ERBIN: variants seen among roughly 807,000 people sequenced by gnomAD.
The protein encoded by ERBIN is densin-180-like protein.
Under a neutral mutation model 158.4 loss-of-function variants are expected in ERBIN, and 60 were observed. The ratio of observed to expected loss-of-function variants is 0.38; its 90% confidence interval spans 0.31 to 0.47. ERBIN has a LOEUF of 0.47. ERBIN is among the 20% of genes least tolerant of loss of function. The pLI is 0.99. For missense variants in ERBIN, 1,610 were observed against 1,648.0 expected, an observed-to-expected ratio of 0.98 and a Z score of 0.40; for synonymous variants, 594 against 557.2, an observed-to-expected ratio of 1.07 and a Z score of -0.93.
At chr5:65,952,276 C>T (rs1339257452) in intron 1 of ERBIN, among the ~76,000 whole-genome samples, 2 of 152,012 alleles carry the variant, frequency 1.3e-5, no homozygotes, top group Non-Finnish European at 2.9e-5. Context: ...GGAAAAAGCA[C>T]CATAGATATA....
intron 21 of ERBIN, among the ~76,000 whole-genome samples, chr5:66,059,060 C>A (rs152937): frequency 0.16 from 23,720 of 151,894 alleles, 2,460 homozygotes; most frequent in East Asian, 0.46. Flanking sequence ...GTAGTTTTTT[C>A]CAATTCTGTG....
intron 1 of ERBIN, among the ~76,000 whole-genome samples, chr5:65,975,487 G>C (rs1749755561): frequency 6.6e-6 from 1 of 152,076 alleles, no homozygotes; most frequent in Non-Finnish European, 1.5e-5. Context: ...TGCATTTTTA[G>C]TAGAAACGGG....
chr5:66,076,372 C>A lies in ERBIN; in HGVS notation c.4020C>A (p.Val1340=), dbSNP rs569350175. 2.5e-6 allele frequency: 4 copies of A among 1,613,116 alleles called. No homozygotes were observed. The highest frequency in any genetic ancestry group is 1.3e-5 in the African/African-American group (1 of 74,800). The change falls in exon 24 of 26, where the codon GTC becomes GTA. Residue 1340 remains valine, a synonymous_variant. Coordinates refer to ENST00000284037, the MANE Select transcript of ERBIN (RefSeq NM_001253697.2). ...PELGFSISGG[V]GGRGNPFRPD... ...TTGGATTTAGCATATCAGGTGGTGT[C>A]GGGGGTAGAGGAAACCCATTCAGAC...
chr5:66,014,721 C>A lies in ERBIN; in HGVS notation c.529C>A (p.Pro177Thr). Residue 177 changes from proline to threonine, a missense_variant, in exon 7 of 26, where the codon CCT becomes ACT. By Grantham distance (38) the Pro-to-Thr change is conservative. Around this residue, in one of 2 missense-constraint regions of ERBIN, gnomAD observed 596 missense variants for 711.9 expected, o/e 0.84. Coordinates refer to ENST00000284037, the MANE Select transcript of ERBIN (RefSeq NM_001253697.2). The part of the protein sequence containing the change: ...ELRENQLKML[P>T]KTMNRLTQLE... The stretch of plus-strand genomic sequence containing the variant: ...TAGAGAAAACCAGTTAAAAATGTTG[C>A]CTAAGTAAGTAAAGGTGCTATTCTT... 1 of 1,425,390 alleles carries A rather than the reference C, an allele frequency of 7.0e-7. No individual in the cohort carries two copies. The highest frequency in any genetic ancestry group is 9.5e-7 in the Non-Finnish European group (1 of 1,052,770). The allele number at this position is 1,425,390 out of a possible 1,614,324, so 88.3% of individuals were successfully genotyped here. A position where few individuals can be genotyped will look rare whatever the true frequency, so the allele number is the denominator to read the frequency against.
At chr5:66,049,890 C>G (rs141554904) in intron 19 of ERBIN, among the ~76,000 whole-genome samples, 17 of 152,170 alleles carry the variant, frequency 1.1e-4, no homozygotes, top group Non-Finnish European at 2.1e-4. Flanking sequence ...TTGCTACACA[C>G]ACAACCACCT....
intron 10 of ERBIN, chr5:66,025,205 G>C: frequency 2.5e-6 from 1 of 394,554 alleles, no homozygotes; most frequent in Non-Finnish European, 4.6e-6. Flanking sequence ...AGCTACAACA[G>C]TGAACAACGA....
At position 66,012,115 on chromosome 5, in the gene ERBIN, A is replaced by T; in HGVS notation, c.374A>T (p.Asn125Ile). The change falls in exon 5 of 26, where the codon AAC becomes ATC. Residue 125 changes from asparagine (N) to isoleucine (I), a missense_variant. Asn to Ile is a moderately radical substitution (Grantham distance 149, BLOSUM62 -3). This residue lies in a region of ERBIN where 596 missense variants were observed against 711.9 expected (regional missense o/e 0.84). Coordinates refer to ENST00000284037, the MANE Select transcript of ERBIN (RefSeq NM_001253697.2). ...TTGACAATTGTGGAGGCCAGTGTAA[A>T]CCCTATTTCCAAGTAAGTTCTCAGG... ...KVLTIVEASV[N>I]PISKLPDGFS... 1 of 1,593,088 alleles carries T rather than the reference A, an allele frequency of 6.3e-7. No homozygotes were observed. The highest frequency in any genetic ancestry group is 8.6e-7 in the Non-Finnish European group (1 of 1,169,058).
chr5:66,027,592 C>T (rs1296239448), intron 13 of ERBIN, among the ~76,000 whole-genome samples: 1 of 151,922 alleles, frequency 6.6e-6, no homozygotes, highest in Non-Finnish European at 1.5e-5. Flanking sequence ...ATACAGTATA[C>T]CTACTATTTA....
At chr5:66,046,093 C>T in intron 17 of ERBIN, among the ~76,000 whole-genome samples, 1 of 152,248 alleles carries the variant, frequency 6.6e-6, no homozygotes, top group South Asian at 2.1e-4. Context: ...TCCACACTTA[C>T]AAGCCTTGGC....
At chr5:65,940,792 A>G (rs1013121734) in intron 1 of ERBIN, among the ~76,000 whole-genome samples, 10 of 150,314 alleles carry the variant, frequency 6.7e-5, no homozygotes, top group South Asian at 2.1e-4. Context: ...CCCTCTGCCC[A>G]GCCACCACCC....
In ERBIN at chr5:66,065,960, C is replaced by G. The variant is rs1291737692; in HGVS notation, c.3634-6209C>G. Among the ~76,000 whole-genome samples the G allele has an allele frequency of 2.6e-5, 4 of 152,132 alleles. No homozygotes were observed. In the East Asian group the frequency reaches 7.7e-4, roughly 29 times the overall value. On this transcript the variant is annotated intron_variant, in intron 21 of 25. Transcript: ENST00000284037. ...CCAGCCTCCTAAAAATAATTTTATT[C>G]AGTAAAAATAATCCTTAATATTGAA...
rs1554058765 is a variant in ERBIN, at chr5:66,018,480, T to TTATATAATATAATATTATATAA, written c.534-2836_534-2835insATATAATATTATATAATATATA. Among the ~76,000 whole-genome samples the TTATATAATATAATATTATATAA allele has an allele frequency of 5.5e-4, 3 of 5,498 alleles. 1 individual carries two copies. The highest frequency in any genetic ancestry group is 2.4e-3 in the African/African-American group (3 of 1,242). The allele number at this position is 5,498 out of a possible 152,430, so 3.6% of individuals were successfully genotyped here. A position where few individuals can be genotyped will look rare whatever the true frequency, so the allele number is the denominator to read the frequency against. On this transcript the variant is annotated intron_variant, in intron 7 of 25. Coordinates refer to ENST00000284037, the MANE Select transcript of ERBIN (RefSeq NM_001253697.2). The stretch of plus-strand genomic sequence containing the variant: ...TATATTATATAATATATATTATATA[T>TTATATAATATAATATTATATAA]TATATATTATATTATATAATATATA...
At chr5:65,937,192 A>G (rs183121392) in intron 1 of ERBIN, among the ~76,000 whole-genome samples, 19 of 152,300 alleles carry the variant, frequency 1.2e-4, no homozygotes, top group Admixed American at 5.2e-4. Context: ...TGTTTGCCAT[A>G]TGGATGCTTA....
At chr5:66,050,000 TTA>T (rs923396619) in intron 19 of ERBIN, among the ~76,000 whole-genome samples, 4 of 152,064 alleles carry the variant, frequency 2.6e-5, no homozygotes, top group African/African-American at 9.7e-5. Flanking sequence ...TGTTTGGTGA[TTA>T]TATGTTTGTG....
chr5:65,992,734 AGTTT>A lies in ERBIN; in HGVS notation c.23_26del (p.Phe8CysfsTer26). 1.3e-6 allele frequency: 2 copies of A among 1,591,444 alleles called. No homozygotes were observed. The highest frequency in any genetic ancestry group is 1.7e-6 in the Non-Finnish European group (2 of 1,173,122). The stretch of plus-strand genomic sequence containing the variant: ...GTGTCTAAAAATGACTACAAAACGA[AGTTT>A]GTTTGTGCGGTTGGTACCATGTCGC... On this transcript the variant is annotated frameshift_variant, in exon 3 of 26. Transcript: ENST00000284037. LOFTEE classifies it high-confidence loss of function.
At chr5:66,055,185 A>G (rs539824480) in intron 21 of ERBIN, 3 of 1,022,620 alleles carry the variant, frequency 2.9e-6, no homozygotes, top group Admixed American at 3.9e-5. Flanking sequence ...TATTAATTTT[A>G]TATGTTTATG....
chr5:65,943,069 A>G (rs1207990191), intron 1 of ERBIN, among the ~76,000 whole-genome samples: 1 of 152,236 alleles, frequency 6.6e-6, no homozygotes, highest in East Asian at 1.9e-4. Context: ...TGATAAGCCA[A>G]TAGTGATACA....
At chr5:65,948,045 G>C (rs957280755) in intron 1 of ERBIN, among the ~76,000 whole-genome samples, 1 of 151,590 alleles carries the variant, frequency 6.6e-6, no homozygotes, top group African/African-American at 2.4e-5. Flanking sequence ...AATTTCTAAT[G>C]TGCACATTGT....
chr5:66,013,181 A>G (rs1457542821), intron 5 of ERBIN, among the ~76,000 whole-genome samples: 1 of 152,224 alleles, frequency 6.6e-6, no homozygotes, highest in Non-Finnish European at 1.5e-5. Flanking sequence ...AGGTTTAGAA[A>G]TTCTTTTCTA....
Sources: gnomAD v4.1 joint callset for allele counts (sites outside exome capture counted in the v4.1 genomes callset) on GRCh38, gnomAD v4.1.1 for gene constraint, gnomAD v4.1.1 regional missense constraint, MANE v1.5 for transcripts, NCBI Gene and HGNC (gene_info 2026-07-23, HGNC 2026-07-21) for gene names.